DGKB: variants seen among roughly 807,000 people sequenced by gnomAD.
The protein encoded by DGKB is diacylglycerol kinase beta, also known as 90 kDa diacylglycerol kinase.
A neutral mutation model predicts 114.3 loss-of-function variants in DGKB; 67 were observed. The ratio of observed to expected loss-of-function variants is 0.59; its 90% CI spans 0.48 to 0.72. The LOEUF (loss-of-function observed/expected upper bound fraction) is 0.72, where lower values mean the gene tolerates loss of function less well. Ranked by LOEUF, DGKB falls within the 30% of genes least tolerant of loss-of-function variation. DGKB has a pLI of 0.00. For synonymous variants in DGKB, 398 were observed against 323.1 expected, an observed-to-expected ratio of 1.23 and a Z score of -2.49; for missense variants, 907 against 975.2, an observed-to-expected ratio of 0.93 and a Z score of 0.93.
chr7:14,393,923 G>C (rs144265216), intron 21 of DGKB, among the ~76,000 whole-genome samples: 3 of 152,128 alleles, frequency 2.0e-5, no homozygotes, highest in African/African-American at 7.2e-5. Flanking sequence ...CATGAGTCTG[G>C]TGACACAGAT....
chr7:14,973,660 T>C (rs1056270611), intron 1 of DGKB, among the ~76,000 whole-genome samples: 15 of 150,228 alleles, frequency 1.0e-4, no homozygotes, highest in African/African-American at 3.2e-4. Flanking sequence ...AGAAAACAAA[T>C]AGCCTTTTAA....
intron 23 of DGKB, among the ~76,000 whole-genome samples, chr7:14,309,526 T>G (rs1805027121): frequency 1.3e-5 from 2 of 152,200 alleles, no homozygotes; most frequent in African/African-American, 4.8e-5. Flanking sequence ...AGAACCCTGA[T>G]AGTTGTTATA....
intron 4 of DGKB, among the ~76,000 whole-genome samples, chr7:14,743,995 A>G (rs1352801683): frequency 6.6e-6 from 1 of 152,224 alleles, no homozygotes; most frequent in African/African-American, 2.4e-5. Flanking sequence ...TATCAAGCAG[A>G]GCATGAGTTA....
chr7:14,423,096 C>T (rs1826963282), intron 21 of DGKB, among the ~76,000 whole-genome samples: 2 of 152,028 alleles, frequency 1.3e-5, no homozygotes, highest in East Asian at 3.9e-4. Context: ...AGAAGAAAAT[C>T]AGTATGATTT....
At chr7:14,631,415 C>G (rs1416496799) in intron 13 of DGKB, among the ~76,000 whole-genome samples, 1 of 151,910 alleles carries the variant, frequency 6.6e-6, no homozygotes, top group African/African-American at 2.4e-5. Context: ...CACAGCCCCA[C>G]AGAAAATTAA....
chr7:14,967,622 G>A (rs150217170), intron 1 of DGKB, among the ~76,000 whole-genome samples: 48 of 126,518 alleles, frequency 3.8e-4, no homozygotes, highest in East Asian at 3.2e-3. Context: ...CGCCCAGCCC[G>A]TTTTCTGACT....
intron 21 of DGKB, among the ~76,000 whole-genome samples, chr7:14,455,991 T>A (rs1030358133): frequency 1.4e-4 from 21 of 152,126 alleles, no homozygotes; most frequent in Admixed American, 8.5e-4. Context: ...AGGTTTAGCA[T>A]TTCTAATCCA....
chr7:14,602,465 T>C (rs931319944), intron 17 of DGKB, among the ~76,000 whole-genome samples: 1 of 152,234 alleles, frequency 6.6e-6, no homozygotes, highest in Non-Finnish European at 1.5e-5. Flanking sequence ...CCCAAAGCAA[T>C]AGTATTGGGA....
intron 2 of DGKB, among the ~76,000 whole-genome samples, chr7:14,777,195 T>C (rs1056068169): frequency 6.6e-6 from 1 of 152,204 alleles, no homozygotes; most frequent in Non-Finnish European, 1.5e-5. Context: ...GTGACTCAGT[T>C]GCTTTTGATT....
chr7:14,218,326 T>C (rs893670503), intron 23 of DGKB, among the ~76,000 whole-genome samples: 3 of 152,248 alleles, frequency 2.0e-5, no homozygotes, highest in Middle Eastern at 6.8e-3. Flanking sequence ...TACAAGGTCA[T>C]AGTTTTAAAA....
chr7:14,436,308 T>C (rs901594413), intron 21 of DGKB, among the ~76,000 whole-genome samples: 5 of 152,162 alleles, frequency 3.3e-5, no homozygotes, highest in African/African-American at 9.7e-5. Flanking sequence ...TTTTTAATAG[T>C]ATTGAATGTT....
chr7:14,633,842 T>C (rs1810219575), intron 13 of DGKB, among the ~76,000 whole-genome samples: 1 of 151,762 alleles, frequency 6.6e-6, no homozygotes. Flanking sequence ...GTTTAAAAGA[T>C]GCATTTGCCT....
intron 1 of DGKB, among the ~76,000 whole-genome samples, chr7:14,852,112 G>T (rs977682599): frequency 2.6e-5 from 4 of 151,972 alleles, no homozygotes; most frequent in Admixed American, 2.0e-4. Flanking sequence ...AGTTACTTCA[G>T]GTAACATTTG....
At chr7:14,348,759 A>G (rs1812917471) in intron 21 of DGKB, among the ~76,000 whole-genome samples, 1 of 151,840 alleles carries the variant, frequency 6.6e-6, no homozygotes, top group Admixed American at 6.6e-5. Context: ...TGATTCAGCT[A>G]ATTTTATCTC....
intron 20 of DGKB, among the ~76,000 whole-genome samples, chr7:14,506,849 C>G (rs1320303280): frequency 2.0e-5 from 3 of 152,292 alleles, no homozygotes; most frequent in African/African-American, 7.2e-5. Flanking sequence ...GCAAGTTGAC[C>G]ATTGATTAGC....
intron 23 of DGKB, among the ~76,000 whole-genome samples, chr7:14,326,003 A>G (rs1808641386): frequency 1.3e-5 from 2 of 152,078 alleles, no homozygotes; most frequent in Non-Finnish European, 2.9e-5. Flanking sequence ...AAAGTCAGAA[A>G]TGTTTATGTC....
At chr7:14,351,438 T>C (rs1454566520) in intron 21 of DGKB, among the ~76,000 whole-genome samples, 1 of 152,198 alleles carries the variant, frequency 6.6e-6, no homozygotes, top group African/African-American at 2.4e-5. Context: ...AAACGAGCCC[T>C]AGGTCAGTGC....
chr7:14,685,417 T>G, intron 9 of DGKB, 55 bp from the exon 10 acceptor site: 4 of 1,291,048 alleles, frequency 3.1e-6, no homozygotes, highest in Non-Finnish European at 4.5e-6. Context: ...CAGTGAAAGA[T>G]GTAAGTGCCA....
intron 2 of DGKB, among the ~76,000 whole-genome samples, chr7:14,788,929 A>G (rs993217483): frequency 6.6e-6 from 1 of 152,056 alleles, no homozygotes; most frequent in African/African-American, 2.4e-5. Context: ...CTTCTCCCCA[A>G]AGGTGGGAGG....
Sources: gnomAD v4.1 joint callset for allele counts (sites outside exome capture counted in the v4.1 genomes callset) on GRCh38, gnomAD v4.1.1 for gene constraint, MANE v1.5 for transcripts, NCBI Gene and HGNC (gene_info 2026-07-23, HGNC 2026-07-21) for gene names.